The following WDR93 variants were observed in gnomAD, a reference collection of about 807,000 sequenced individuals.
WDR93 encodes WD repeat domain 93.
WDR93 carries 73 observed loss-of-function variants against 82.9 expected under a neutral mutation model. The ratio of observed to expected loss-of-function variants is 0.88; its 90% CI spans 0.73 to 1.07. The LOEUF (loss-of-function observed/expected upper bound fraction) is 1.07. WDR93 is among the 50% of genes least tolerant of loss of function. The pLI is 0.00. For missense variants in WDR93, 738 were observed against 826.0 expected (o/e 0.89, Z 1.31); for synonymous variants, 283 against 300.1 (o/e 0.94, Z 0.59).
chr15:89,737,514 C>T, intron 14 of WDR93, 59 bp from the exon 15 acceptor site: 1 of 1,606,690 alleles, frequency 6.2e-7, no homozygotes, highest in Non-Finnish European at 8.5e-7. Flanking sequence ...CTCTACACGA[C>T]CTTCCTGTGA....
rs1363674868 is a variant in WDR93 at position 89,715,107 on chromosome 15, C to T, written c.756+12C>T. 34 of 1,609,438 alleles carry T rather than the reference C, an allele frequency of 2.1e-5. No individual in the cohort carries two copies. Among genetic ancestry groups the T allele is most frequent in the Non-Finnish European group, 2.9e-5 (34 of 1,177,408 alleles). ...GACAGCCGCAACTGGTAGGAAATAT[C>T]TCTGCTTTCAGCTGATATGTTTCTC... On this transcript the variant is annotated intron_variant, in intron 6 of 16. Coordinates refer to ENST00000268130, the MANE Select transcript of WDR93 (RefSeq NM_020212.2).
chr15:89,743,295 T>C lies in WDR93; in HGVS notation c.1965T>C (p.Tyr655=). The change falls in exon 17 of 17, where the codon TAT becomes TAC. Residue 655 remains tyrosine (Y), a synonymous_variant. Transcript: ENST00000268130. ...ATCACAGTTGTGTGGCCCTCAGCTA[T>C]CGGAAGCTGGAGAAGAACCCAGAGA... The part of the protein sequence containing the change: ...KRCERFLQKS[Y]RKLEKNPEKE... The C allele has an allele frequency of 1.9e-6, 3 of 1,614,108 alleles. No individual in the cohort carries two copies. The highest frequency in any genetic ancestry group is 1.7e-6 in the Non-Finnish European group (2 of 1,180,008).
In WDR93 at chr15:89,705,595, C is replaced by G; in HGVS notation, c.538C>G (p.Leu180Val). The G allele has an allele frequency of 6.4e-7, 1 of 1,567,444 alleles. No homozygotes were observed. Among genetic ancestry groups the G allele is most frequent in the Non-Finnish European group, 8.8e-7 (1 of 1,137,464 alleles). The change falls in exon 4 of 17, where the codon CTA becomes GTA. Residue 180 changes from leucine to valine, a missense_variant. By Grantham distance (32) the Leu-to-Val change is conservative. Transcript: ENST00000268130. ...TTATTTTTATAAGGAAGGACTTTACCTAGTCAAAGCCATCAATGAAGTGGT... is the reference window on the plus strand; with the variant it reads ...TTATTTTTATAAGGAAGGACTTTACGTAGTCAAAGCCATCAATGAAGTGGT... The part of the protein sequence containing the change: ...LFYFYKEGLY[L>V]VKAINEVDDT...
intron 1 of WDR93, among the ~76,000 whole-genome samples, chr15:89,694,267 T>G (rs932128182): frequency 1.3e-5 from 2 of 150,230 alleles, no homozygotes; most frequent in Admixed American, 6.6e-5. Context: ...TTTTTTTTTT[T>G]TGAGATGGAG....
chr15:89,716,221 T>TG (rs1214854710), intron 6 of WDR93, among the ~76,000 whole-genome samples: 3 of 152,184 alleles, frequency 2.0e-5, no homozygotes, highest in African/African-American at 4.8e-5. Context: ...TATTACAGAA[T>TG]GTTATTATTT....
intron 1 of WDR93, among the ~76,000 whole-genome samples, chr15:89,693,690 T>A (rs1254544665): frequency 5.3e-5 from 8 of 152,244 alleles, no homozygotes; most frequent in Admixed American, 2.0e-4. Context: ...ATCCCTGCCA[T>A]TATCCACCAG....
chr15:89,727,142 A>G lies in WDR93; in HGVS notation c.881-15A>G, dbSNP rs1323440608. ...GTCACATGGCTTGACTAATTCTGTA[A>G]TATTTTCAACCTAGGCACCACATTC... is the stretch of plus-strand genomic sequence containing the variant. On this transcript the variant is annotated splice_polypyrimidine_tract_variant and intron_variant, in intron 8 of 16. Transcript: ENST00000268130. 3 of 1,611,186 alleles carry G rather than the reference A, an allele frequency of 1.9e-6. No individual in the cohort carries two copies. Among genetic ancestry groups the G allele is most frequent in the South Asian group, 2.2e-5 (2 of 90,896 alleles).
At chr15:89,697,958 C>T (rs2141585476) in intron 1 of WDR93, among the ~76,000 whole-genome samples, 1 of 150,566 alleles carries the variant, frequency 6.6e-6, no homozygotes, top group South Asian at 2.1e-4. Context: ...CGGCTCACTG[C>T]AAGCTCCGCC....
chr15:89,701,561 T>G, intron 1 of WDR93, 146 bp from the exon 2 acceptor site: 1 of 686,148 alleles, frequency 1.5e-6, no homozygotes, highest in Non-Finnish European at 2.4e-6. Flanking sequence ...ATCCTAAGAA[T>G]GTGGTAATAG....
intron 1 of WDR93, among the ~76,000 whole-genome samples, chr15:89,699,638 C>T (rs543164248): frequency 2.0e-5 from 3 of 151,800 alleles, no homozygotes; most frequent in Non-Finnish European, 4.4e-5. Flanking sequence ...CTCTTTTTTT[C>T]AGTCTTTTTT....
chr15:89,736,959 T>C (rs1967238085), intron 14 of WDR93, among the ~76,000 whole-genome samples: 2 of 152,090 alleles, frequency 1.3e-5, no homozygotes, highest in Non-Finnish European at 2.9e-5. Flanking sequence ...GCCAGGCTAA[T>C]TTTTTGTATT....
intron 1 of WDR93, among the ~76,000 whole-genome samples, chr15:89,698,710 C>T (rs919049989): frequency 8.6e-5 from 13 of 152,018 alleles, no homozygotes; most frequent in African/African-American, 3.1e-4. Flanking sequence ...TATTGTCATA[C>T]ATTTTTCTTT....
chr15:89,743,206 C>A, intron 16 of WDR93, 86 bp from the exon 17 acceptor site: 1 of 1,315,938 alleles, frequency 7.6e-7, no homozygotes, highest in South Asian at 1.2e-5. Context: ...CTCATAGGAG[C>A]ACAGGGTAGT....
At chr15:89,737,538 G>T (rs561488922) in intron 14 of WDR93, 35 bp from the exon 15 acceptor site, 5 of 1,613,570 alleles carry the variant, frequency 3.1e-6, no homozygotes, top group Admixed American at 1.7e-5. Flanking sequence ...ACAGAGTCCA[G>T]TAGAAGCCCC....
chr15:89,705,161 T>A (rs879852268), intron 3 of WDR93: 2 of 197,202 alleles, frequency 1.0e-5, no homozygotes, highest in Non-Finnish European at 2.0e-5. Context: ...GATCTTTCCC[T>A]CAAAGAATCT....
chr15:89,713,548 C>T (rs1966097952), intron 5 of WDR93, among the ~76,000 whole-genome samples: 2 of 151,996 alleles, frequency 1.3e-5, no homozygotes, highest in South Asian at 2.1e-4. Flanking sequence ...TCTCGGCTCA[C>T]TGTAACCTCT....
chr15:89,726,710 C>T (rs1460842125), intron 8 of WDR93, among the ~76,000 whole-genome samples: 1 of 152,126 alleles, frequency 6.6e-6, no homozygotes, highest in African/African-American at 2.4e-5. Flanking sequence ...TAAATGTTGG[C>T]ATAAGAAGAG....
chr15:89,691,722 A>AAAAAAT (rs137903884), intron 1 of WDR93, among the ~76,000 whole-genome samples: 5 of 150,622 alleles, frequency 3.3e-5, no homozygotes, highest in Non-Finnish European at 5.9e-5. Flanking sequence ...GCTGTCTCAA[A>AAAAAAT]AAAATAAAAT....
intron 7 of WDR93, 96 bp downstream of exon 7, chr15:89,717,045 C>CTTTTT (rs11457156): frequency 2.3e-3 from 398 of 172,006 alleles, no homozygotes; most frequent in African/African-American, 6.6e-3. Context: ...CTTTTTCTTT[C>CTTTTT]TTTTTTTTTT....
Sources: gnomAD v4.1 joint callset for allele counts (sites outside exome capture counted in the v4.1 genomes callset) on GRCh38, gnomAD v4.1.1 for gene constraint, MANE v1.5 for transcripts, NCBI Gene and HGNC (gene_info 2026-07-23, HGNC 2026-07-21) for gene names.